The following USP6NL variants were observed in gnomAD, a reference collection of about 807,000 sequenced individuals.
USP6NL encodes USP6 N-terminal-like protein.
Under a neutral mutation model 61.9 loss-of-function variants are expected in USP6NL, and 26 were observed. That is an observed-to-expected ratio of 0.42 (90% CI 0.31 to 0.58). The LOEUF is 0.58. USP6NL is among the 20% of genes least tolerant of loss of function. USP6NL has a pLI of 0.16. For missense variants in USP6NL, 1,114 were observed against 1,034.3 expected (o/e 1.08, Z -1.06); for synonymous variants, 432 against 390.1 (o/e 1.11, Z -1.27).
At chr10:11,606,932 AGCGTACGCCACCAT>A (rs1340324719) in intron 1 of USP6NL, among the ~76,000 whole-genome samples, 1 of 151,974 alleles carries the variant, frequency 6.6e-6, no homozygotes, top group Non-Finnish European at 1.5e-5. Context: ...TGGGACCACA[AGCGTACGCCACCAT>A]GCCCCACTAA....
intron 2 of USP6NL, among the ~76,000 whole-genome samples, chr10:11,579,057 A>G (rs1276063889): frequency 1.3e-5 from 2 of 152,238 alleles, no homozygotes; most frequent in Non-Finnish European, 2.9e-5. Context: ...GCAGGGGGAA[A>G]AAAAGTTTGA....
chr10:11,466,432 G>C (rs1384333277), intron 14 of USP6NL, among the ~76,000 whole-genome samples: 2 of 152,136 alleles, frequency 1.3e-5, no homozygotes, highest in African/African-American at 2.4e-5. Flanking sequence ...GGGTCAACAG[G>C]AACAAGTGAC....
At position 11,462,439 on chromosome 10, in the gene USP6NL, T is replaced by C. The variant is rs774204307; in HGVS notation, c.*2A>G. On this transcript the variant is annotated 3_prime_UTR_variant, in exon 15 of 15. Transcript: ENST00000609104. ...TCGTCTTTAGCAAGTACACGTCAAA[T>C]CTCACAGCAACACTGACTCTTGGAT... The C allele has an allele frequency of 1.2e-6, 2 of 1,611,378 alleles. No individual in the cohort carries two copies. The highest frequency in any genetic ancestry group is 1.7e-5 in the Admixed American group (1 of 59,838).
At chr10:11,483,008 T>G (rs574146681) in intron 13 of USP6NL, among the ~76,000 whole-genome samples, 8 of 152,338 alleles carry the variant, frequency 5.3e-5, no homozygotes, top group African/African-American at 1.9e-4. Flanking sequence ...TAAGATGTAC[T>G]CTCAGCAATT....
chr10:11,580,702 T>G (rs1293871450), intron 2 of USP6NL, among the ~76,000 whole-genome samples: 1 of 152,096 alleles, frequency 6.6e-6, no homozygotes, highest in Non-Finnish European at 1.5e-5. Context: ...CCCTAAATGA[T>G]CCTAACCTTC....
At chr10:11,486,069 A>G (rs765556439) in intron 10 of USP6NL, among the ~76,000 whole-genome samples, 158 bp from the exon 11 acceptor site, 1 of 151,990 alleles carries the variant, frequency 6.6e-6, no homozygotes, top group African/African-American at 2.4e-5. Context: ...AAAACTGTAT[A>G]TAAGCTTTGG....
At position 11,470,801 on chromosome 10, in the gene USP6NL, G is replaced by A. The variant is rs1832709004; in HGVS notation, c.1079-6952C>T. ...TTTATTATCCACGCTTGCATTCTGGGCTTCTTTTCAATAGACAGAATCATG... is the reference window on the plus strand; with the variant it reads ...TTTATTATCCACGCTTGCATTCTGGACTTCTTTTCAATAGACAGAATCATG... On this transcript the variant is annotated intron_variant, in intron 14 of 14. Transcript: ENST00000609104. The surrounding 1 kb of genome is among the most constrained non-coding windows in gnomAD (Gnocchi z 5.4). Among the ~76,000 whole-genome samples the A allele has an allele frequency of 1.3e-5, 2 of 152,190 alleles. No homozygotes were observed. The highest frequency in any genetic ancestry group is 2.4e-5 in the African/African-American group (1 of 41,446).
chr10:11,560,932 G>A (rs1451193168), intron 2 of USP6NL, among the ~76,000 whole-genome samples: 3 of 151,838 alleles, frequency 2.0e-5, no homozygotes, highest in Non-Finnish European at 4.4e-5. Context: ...ATTAAAAGCA[G>A]ATACACTAAT....
rs1418991337 is a variant in USP6NL, at chr10:11,474,196, T to G, written c.1078+7574A>C. 1.3e-5 allele frequency among the ~76,000 whole-genome samples: 2 copies of G among 152,246 alleles called. No homozygotes were observed. The highest frequency in any genetic ancestry group is 2.9e-5 in the Non-Finnish European group (2 of 68,044). ...AGTTTTTTGCATTAAGGAATCTGTT[T>G]GTATTTAGAATTTTCTGTGTTTTAT... On this transcript the variant is annotated intron_variant, in intron 14 of 14. Coordinates refer to ENST00000609104, the MANE Select transcript of USP6NL (RefSeq NM_014688.5). This position sits in a 1 kb window ranked among gnomAD's most constrained non-coding sequence, Gnocchi z 4.9.
chr10:11,532,035 C>A lies in USP6NL; in HGVS notation c.5-4468G>T, dbSNP rs1835681531. ...TATCTTAATGTCACTAAATTAGCACCAAACTGCAATGAAAAATTCATACAA... is the reference window on the plus strand; with the variant it reads ...TATCTTAATGTCACTAAATTAGCACAAAACTGCAATGAAAAATTCATACAA... On this transcript the variant is annotated intron_variant, in intron 2 of 14. Coordinates refer to ENST00000609104, the MANE Select transcript of USP6NL (RefSeq NM_014688.5). The surrounding 1 kb of genome is among the most constrained non-coding windows in gnomAD (Gnocchi z 4.1). 1.6e-6 allele frequency: 1 copy of A among 632,478 alleles called. No individual in the cohort carries two copies. Among genetic ancestry groups the A allele is most frequent in the South Asian group, 2.2e-5 (1 of 46,342 alleles). The allele number at this position is 632,478 out of a possible 1,614,324, so 39.2% of individuals were successfully genotyped here.
intron 1 of USP6NL, among the ~76,000 whole-genome samples, chr10:11,599,343 A>C (rs1055188256): frequency 1.3e-5 from 2 of 152,214 alleles, no homozygotes; most frequent in Non-Finnish European, 2.9e-5. Flanking sequence ...AAAATTTTTT[A>C]ATCTTAAATT....
intron 2 of USP6NL, among the ~76,000 whole-genome samples, chr10:11,552,006 A>C (rs1836508511): frequency 6.6e-6 from 1 of 152,176 alleles, no homozygotes; most frequent in African/African-American, 2.4e-5. Flanking sequence ...AAAGTAAATA[A>C]TATAGTATTT....
chr10:11,583,184 A>ATTTT (rs11432382), intron 2 of USP6NL, among the ~76,000 whole-genome samples: 1 of 133,608 alleles, frequency 7.5e-6, no homozygotes. Flanking sequence ...TATGTTTTCA[A>ATTTT]TTTTTTTTTT....
chr10:11,535,383 T>TA (rs1276333457), intron 2 of USP6NL, among the ~76,000 whole-genome samples: 2 of 152,092 alleles, frequency 1.3e-5, no homozygotes, highest in Non-Finnish European at 2.9e-5. Context: ...AAGAGAAACT[T>TA]AGAGAATGGA....
chr10:11,505,118 AG>A (rs1424049211), intron 6 of USP6NL, among the ~76,000 whole-genome samples: 1 of 152,202 alleles, frequency 6.6e-6, no homozygotes, highest in African/African-American at 2.4e-5. Flanking sequence ...AGATAACAGA[AG>A]AAAGGAGGAA....
rs1245933176 is a variant in USP6NL at position 11,486,512 on chromosome 10, A to C, written c.665-601T>G. Reference sequence around the variant, plus strand: ...ATCTATATCTAAGAAGTAACAAATTACAAATGGTTAGCATTAATTTTGTGT... The same window carrying C: ...ATCTATATCTAAGAAGTAACAAATTCCAAATGGTTAGCATTAATTTTGTGT... On this transcript the variant is annotated intron_variant, in intron 10 of 14. Coordinates refer to ENST00000609104, the MANE Select transcript of USP6NL (RefSeq NM_014688.5). 2.6e-5 allele frequency among the ~76,000 whole-genome samples: 4 copies of C among 152,322 alleles called. No individual in the cohort carries two copies. The East Asian group carries it at 7.7e-4, about 29-fold the overall frequency.
chr10:11,589,018 T>C lies in USP6NL; in HGVS notation c.4+8613A>G, dbSNP rs76039994. The stretch of plus-strand genomic sequence containing the variant: ...ACACTGATTATTTTAAAAACCACAA[T>C]GGCCCTATTGCCCCCATGTATGGAA... On this transcript the variant is annotated intron_variant, in intron 2 of 14. Transcript: ENST00000609104. The surrounding 1 kb of genome is among the most constrained non-coding windows in gnomAD (Gnocchi z 4.7). Among the ~76,000 whole-genome samples the C allele has an allele frequency of 1.1e-4, 17 of 152,270 alleles. No individual in the cohort carries two copies. The highest frequency in any genetic ancestry group is 2.2e-4 in the Non-Finnish European group (15 of 68,012).
chr10:11,506,833 T>C (rs1368599254), intron 6 of USP6NL, among the ~76,000 whole-genome samples: 4 of 152,074 alleles, frequency 2.6e-5, no homozygotes, highest in African/African-American at 9.7e-5. Context: ...TTTCTCTGTA[T>C]TACTACTATA....
intron 14 of USP6NL, among the ~76,000 whole-genome samples, chr10:11,472,004 G>A (rs1473719192): frequency 1.3e-5 from 2 of 151,166 alleles, no homozygotes; most frequent in Admixed American, 6.6e-5. Context: ...ACTCCTTAAA[G>A]GGTAAGGAGG....
Sources: gnomAD v4.1 joint callset for allele counts (sites outside exome capture counted in the v4.1 genomes callset) on GRCh38, gnomAD v4.1.1 for gene constraint, Gnocchi (gnomAD v3.1) non-coding constraint, MANE v1.5 for transcripts, NCBI Gene and HGNC (gene_info 2026-07-23, HGNC 2026-07-21) for gene names.